NSMCE2: variants seen among roughly 807,000 people sequenced by gnomAD.
The protein encoded by NSMCE2 is E3 SUMO-protein ligase NSE2.
NSMCE2 carries 24 observed loss-of-function variants against 23.8 expected under a neutral mutation model. The ratio of observed to expected loss-of-function variants is 1.01; its 90% CI spans 0.73 to 1.42. The LOEUF is 1.42. NSMCE2 is among the 40% of genes most tolerant of loss of function. The pLI, the probability that NSMCE2 is intolerant of heterozygous loss-of-function variation, is 0.00. For synonymous variants in NSMCE2, 92 were observed against 94.1 expected (o/e 0.98, Z 0.13); for missense variants, 284 against 296.5 (o/e 0.96, Z 0.31).
Position 125,338,853 on chromosome 8 carries a change from G to A in NSMCE2, c.419-18366G>A, listed in dbSNP as rs114020643. On this transcript the variant is annotated intron_variant, in intron 5 of 7. Coordinates refer to ENST00000287437, the MANE Select transcript of NSMCE2 (RefSeq NM_173685.4). ...GGTTTCTTGACAAGGACCGAATTAG[G>A]CTATCATGGTGCTTCTGACATCTTA... 8.7e-3 allele frequency among the ~76,000 whole-genome samples: 1,330 copies of A among 152,280 alleles called. 22 individuals carry two copies. The highest frequency in any genetic ancestry group is 0.029 in the African/African-American group (1,221 of 41,558).
chr8:125,279,981 T>C (rs1044631695), intron 5 of NSMCE2, among the ~76,000 whole-genome samples: 1 of 152,216 alleles, frequency 6.6e-6, no homozygotes, highest in Admixed American at 6.5e-5. Flanking sequence ...TGTTTTTTAT[T>C]TGTCATTTTT....
chr8:125,240,520 TG>T (rs1179447470), intron 5 of NSMCE2, among the ~76,000 whole-genome samples: 4 of 152,230 alleles, frequency 2.6e-5, no homozygotes, highest in Admixed American at 2.6e-4. Context: ...CTTGTATAAA[TG>T]GCTGAGTAAA....
intron 3 of NSMCE2, among the ~76,000 whole-genome samples, chr8:125,114,803 A>T (rs1818919085): frequency 6.6e-6 from 1 of 152,230 alleles, no homozygotes; most frequent in African/African-American, 2.4e-5. Context: ...ACACATACAT[A>T]GTCACTGGTT....
intron 3 of NSMCE2, among the ~76,000 whole-genome samples, chr8:125,113,589 G>T (rs1818866080): frequency 1.3e-5 from 2 of 152,168 alleles, no homozygotes; most frequent in Non-Finnish European, 2.9e-5. Flanking sequence ...AGAATCATAA[G>T]GAAAATGTTC....
At chr8:125,112,679 A>G (rs112624913) in intron 3 of NSMCE2, among the ~76,000 whole-genome samples, 5 of 152,328 alleles carry the variant, frequency 3.3e-5, no homozygotes, top group African/African-American at 1.2e-4. Flanking sequence ...CGTATGTGGA[A>G]TCTAAAGAAG....
intron 5 of NSMCE2, among the ~76,000 whole-genome samples, chr8:125,229,001 C>T (rs184114066): frequency 6.6e-6 from 1 of 152,246 alleles, no homozygotes; most frequent in East Asian, 1.9e-4. Context: ...GCCTTGAAAA[C>T]TGTTAGGGTG....
rs114238683 is a variant in NSMCE2 at position 125,122,784 on chromosome 8, T to C, written c.157+20297T>C. ...CTATATATATTTCAACCTTATACTT[T>C]AGCATAAGGTATTCTCACCACTAGA... On this transcript the variant is annotated intron_variant, in intron 3 of 7. Coordinates refer to ENST00000287437, the MANE Select transcript of NSMCE2 (RefSeq NM_173685.4). 6.3e-3 allele frequency among the ~76,000 whole-genome samples: 953 copies of C among 152,272 alleles called. 7 individuals carry two copies. Among genetic ancestry groups the C allele is most frequent in the African/African-American group, 0.022 (907 of 41,562 alleles).
intron 5 of NSMCE2, among the ~76,000 whole-genome samples, chr8:125,314,264 GTGTTTTGTTTTTGTTTTGTTT>G (rs1343009646): frequency 2.0e-5 from 3 of 150,840 alleles, no homozygotes; most frequent in African/African-American, 7.3e-5. Flanking sequence ...AAGGAGCCTT[GTGTTTTGTTTTTGTTTTGTTT>G]TGTTTTGTTT....
At chr8:125,231,705 G>T (rs571496485) in intron 5 of NSMCE2, among the ~76,000 whole-genome samples, 1 of 152,200 alleles carries the variant, frequency 6.6e-6, no homozygotes, top group East Asian at 1.9e-4. Context: ...TATATACTGG[G>T]TTATGATAAA....
At chr8:125,169,647 G>A (rs1263635563) in intron 4 of NSMCE2, among the ~76,000 whole-genome samples, 1 of 151,942 alleles carries the variant, frequency 6.6e-6, no homozygotes, top group East Asian at 1.9e-4. Flanking sequence ...CAGTCCCCTT[G>A]GGCACACTGG....
intron 3 of NSMCE2, among the ~76,000 whole-genome samples, chr8:125,135,966 T>C (rs1820047332): frequency 6.6e-6 from 1 of 152,226 alleles, no homozygotes. Context: ...TGATTGATAT[T>C]GCATGCCTTG....
chr8:125,233,833 C>T (rs1206303091), intron 5 of NSMCE2, among the ~76,000 whole-genome samples: 1 of 151,856 alleles, frequency 6.6e-6, no homozygotes, highest in Non-Finnish European at 1.5e-5. Context: ...TCACTTTTTC[C>T]GCTGTCACTT....
intron 3 of NSMCE2, among the ~76,000 whole-genome samples, chr8:125,144,882 A>G (rs994520847): frequency 6.6e-6 from 1 of 152,156 alleles, no homozygotes; most frequent in Admixed American, 6.5e-5. Context: ...CCTCAAAAAG[A>G]GAGAATAGTA....
At chr8:125,333,194 G>A (rs1010927733) in intron 5 of NSMCE2, among the ~76,000 whole-genome samples, 23 of 151,546 alleles carry the variant, frequency 1.5e-4, no homozygotes, top group African/African-American at 5.3e-4. Context: ...TTTAGAAACA[G>A]AGTCTCGCTC....
intron 5 of NSMCE2, among the ~76,000 whole-genome samples, chr8:125,354,836 T>C (rs1203107077): frequency 1.3e-5 from 2 of 152,190 alleles, no homozygotes; most frequent in African/African-American, 4.8e-5. Flanking sequence ...TCAGTACAGC[T>C]TGAGCATCCC....
chr8:125,125,883 A>G (rs1435457938), intron 3 of NSMCE2, among the ~76,000 whole-genome samples: 1 of 152,200 alleles, frequency 6.6e-6, no homozygotes, highest in East Asian at 1.9e-4. Flanking sequence ...GGAAGGGCCC[A>G]GGGTGATACT....
At chr8:125,102,247 T>A in intron 2 of NSMCE2, 70 bp from the exon 3 acceptor site, 1 of 1,005,994 alleles carries the variant, frequency 9.9e-7, no homozygotes, top group Non-Finnish European at 1.5e-6. Context: ...TACAGCAGTT[T>A]TATTAATATT....
At chr8:125,360,428 T>C (rs1190230302) in intron 7 of NSMCE2, among the ~76,000 whole-genome samples, 1 of 152,204 alleles carries the variant, frequency 6.6e-6, no homozygotes, top group Non-Finnish European at 1.5e-5. Flanking sequence ...GCCTGTGATC[T>C]CCACAAGGCC....
chr8:125,315,729 A>T (rs980904018), intron 5 of NSMCE2, among the ~76,000 whole-genome samples: 1 of 152,194 alleles, frequency 6.6e-6, no homozygotes, highest in Non-Finnish European at 1.5e-5. Flanking sequence ...ATGACTTTTT[A>T]GCAATTATAT....
Sources: allele counts gnomAD v4.1 joint callset (sites outside exome capture counted in the v4.1 genomes callset), GRCh38; gene constraint gnomAD v4.1.1; transcripts MANE v1.5; gene names NCBI Gene and HGNC (gene_info 2026-07-23, HGNC 2026-07-21).